PIGQ: variants seen among roughly 807,000 people sequenced by gnomAD.
The protein encoded by PIGQ is phosphatidylinositol glycan anchor biosynthesis class Q, also known as phosphatidylinositol N-acetylglucosaminyltransferase subunit Q.
In PIGQ, 54 loss-of-function variants were observed where a neutral mutation model predicts 60.3. The observed-to-expected ratio is 0.90, with a 90% CI of 0.72 to 1.12. PIGQ has a LOEUF of 1.12. Ranked by LOEUF, PIGQ falls within the 50% of genes most tolerant of loss-of-function variation. PIGQ has a pLI of 0.00. For synonymous variants in PIGQ, 416 were observed against 363.7 expected (o/e 1.14, Z -1.64); for missense variants, 799 against 793.5 (o/e 1.01, Z -0.08).
rs1032035796 is a variant in PIGQ, at chr16:581,037, G to A, written c.1531+65G>A. 3.7e-6 allele frequency: 5 copies of A among 1,343,346 alleles called. No homozygotes were observed. The African/African-American group carries it at 5.7e-5, about 15-fold the overall frequency. 83.2% of individuals were successfully genotyped at this position (1,343,346 alleles called of 1,614,324 possible). A position where few individuals can be genotyped will look rare whatever the true frequency, so the allele number is the denominator to read the frequency against. On this transcript the variant is annotated intron_variant, in intron 9 of 10. Transcript: ENST00000321878. ...GAGGGGAACCACACCTGTGGGCCCT[G>A]CAGAAGCAAGGACAGCATGGGCCAC... is the stretch of plus-strand genomic sequence containing the variant.
rs975321677 is a variant in PIGQ, at chr16:581,194, C to T, written c.1531+222C>T. On this transcript the variant is annotated intron_variant, in intron 9 of 10. Coordinates refer to ENST00000321878, the MANE Select transcript of PIGQ (RefSeq NM_004204.5). Reference sequence around the variant, plus strand: ...GAGAGACTCAGAGACTCACCTGCCGCGCAGGTTCAGAACCCTGGAGACCTG... The same window carrying T: ...GAGAGACTCAGAGACTCACCTGCCGTGCAGGTTCAGAACCCTGGAGACCTG... 63 of 1,430,630 alleles carry T rather than the reference C, an allele frequency of 4.4e-5. 1 individual carries two copies. In the African/African-American group the frequency reaches 4.6e-4, roughly 10 times the overall value. The allele number at this position is 1,430,630 out of a possible 1,614,324, so 88.6% of individuals were successfully genotyped here.
At chr16:581,140 G>A in intron 9 of PIGQ, 168 bp downstream of exon 9, 1 of 1,464,134 alleles carries the variant, frequency 6.8e-7, no homozygotes, top group South Asian at 1.4e-5. Context: ...CCAGAGGTCT[G>A]CAGGACCAGC....
chr16:578,285 G>A, intron 4 of PIGQ, 94 bp from the exon 5 acceptor site: 1 of 1,354,930 alleles, frequency 7.4e-7, no homozygotes, highest in Non-Finnish European at 1.0e-6. Context: ...AGGGAAGGCT[G>A]GCCAAGGTGG....
intron 10 of PIGQ, 149 bp downstream of exon 10, chr16:582,458 CGGGACCCCCTCCCCCTTACCCCCA>C: frequency 1.6e-6 from 1 of 618,392 alleles, no homozygotes; most frequent in Non-Finnish European, 2.8e-6. Flanking sequence ...AAGGCCCACG[CGGGACCCCCTCCCCCTTACCCCCA>C]GGGCCTGAGG....
At position 580,879 on chromosome 16, in the gene PIGQ, G is replaced by A. The variant is rs148537594; in HGVS notation, c.1438G>A (p.Val480Met). The change falls in exon 9 of 11, where the codon GTG becomes ATG. Residue 480 changes from valine to methionine, a missense_variant. By Grantham distance (21) the Val-to-Met change is conservative. Coordinates refer to ENST00000321878, the MANE Select transcript of PIGQ (RefSeq NM_004204.5). ...FTLLRLLVVA[V>M]QGLIHLLVDL... ...ACAGCTCCGGCTCCTGGTGGTCGCC[G>A]TGCAGGGCCTGATCCATCTGCTCGT... is the stretch of plus-strand genomic sequence containing the variant. The A allele has an allele frequency of 5.5e-5, 86 of 1,570,414 alleles. No homozygotes were observed. Among genetic ancestry groups the A allele is most frequent in the Non-Finnish European group, 5.7e-5 (65 of 1,146,136 alleles).
At chr16:576,302 C>T (rs753089646) in intron 4 of PIGQ, 48 bp downstream of exon 4, 1 of 1,527,594 alleles carries the variant, frequency 6.5e-7, no homozygotes. Flanking sequence ...GCGTGGGGAC[C>T]CCTCCTGGGC....
chr16:581,023 C>A, intron 9 of PIGQ, 51 bp downstream of exon 9: 1 of 1,367,168 alleles, frequency 7.3e-7, no homozygotes, highest in Non-Finnish European at 1.0e-6. Flanking sequence ...AGGGGAACCA[C>A]ACCTGTGGGC....
At chr16:582,177 C>T (rs907277680) in intron 9 of PIGQ, 71 bp from the exon 10 acceptor site, 7 of 1,121,782 alleles carry the variant, frequency 6.2e-6, no homozygotes, top group Admixed American at 2.0e-5. Flanking sequence ...GAGGAAGGTA[C>T]CTGCAGCCTC....
At chr16:582,181 C>A in intron 9 of PIGQ, 67 bp from the exon 10 acceptor site, 1 of 1,170,834 alleles carries the variant, frequency 8.5e-7, no homozygotes, top group Non-Finnish European at 1.2e-6. Flanking sequence ...AAGGTACCTG[C>A]AGCCTCTGCT....
intron 9 of PIGQ, 133 bp downstream of exon 9, chr16:581,105 G>A: frequency 1.4e-6 from 2 of 1,395,618 alleles, no homozygotes; most frequent in Non-Finnish European, 9.9e-7. Context: ...GCGCAAGCGG[G>A]CAGGGAGGAC....
chr16:582,180 G>A (rs4984897), intron 9 of PIGQ, 68 bp from the exon 10 acceptor site: 1 of 1,158,160 alleles, frequency 8.6e-7, no homozygotes, highest in Non-Finnish European at 1.3e-6. Flanking sequence ...GAAGGTACCT[G>A]CAGCCTCTGC....
intron 1 of PIGQ, 71 bp from the exon 2 acceptor site, chr16:573,995 T>G: frequency 8.9e-7 from 1 of 1,127,348 alleles, no homozygotes; most frequent in Non-Finnish European, 1.2e-6. Context: ...AGGCCGTCTG[T>G]GCAACATCCC....
chr16:581,371 C>G, intron 9 of PIGQ: 1 of 1,182,560 alleles, frequency 8.5e-7, no homozygotes, highest in Non-Finnish European at 1.1e-6. Flanking sequence ...TGCCGGAAAA[C>G]CCCGTCCACT....
At chr16:575,991 C>T (rs1165921297) in intron 3 of PIGQ, 21 bp downstream of exon 3, 1 of 1,572,566 alleles carries the variant, frequency 6.4e-7, no homozygotes, top group Non-Finnish European at 8.6e-7. Flanking sequence ...GCCCTGGTCT[C>T]TGCAGGGCTG....
In PIGQ at chr16:576,272, G is replaced by A. The variant is rs1433147334; in HGVS notation, c.942+18G>A. ...TGGCTGACGTGAGTGGACTGGGGTG[G>A]AGCCCGGTGTCCCGGGTGGGCGTGG... is the stretch of plus-strand genomic sequence containing the variant. On this transcript the variant is annotated intron_variant, in intron 4 of 10. Coordinates refer to ENST00000321878, the MANE Select transcript of PIGQ (RefSeq NM_004204.5). 6.4e-7 allele frequency: 1 copy of A among 1,552,446 alleles called. No homozygotes were observed.
chr16:580,160 G>T (rs754154314), intron 7 of PIGQ, 23 bp from the exon 8 acceptor site: 1 of 1,594,818 alleles, frequency 6.3e-7, no homozygotes, highest in Non-Finnish European at 8.6e-7. Flanking sequence ...GCTGATGCCC[G>T]GTGTGCTGGC....
chr16:579,021 CGGGGCGGGGCGGGGCG>C, intron 6 of PIGQ, 32 bp from the exon 7 acceptor site: 1 of 218,396 alleles, frequency 4.6e-6, no homozygotes, highest in South Asian at 4.3e-5. Context: ...GGGGCGGGGG[CGGGGCGGGGCGGGGCG>C]GGGCCGGGCC....
intron 4 of PIGQ, chr16:576,623 A>C: frequency 2.2e-6 from 1 of 462,462 alleles, no homozygotes; most frequent in South Asian, 5.5e-5. Flanking sequence ...GGGTCATGAA[A>C]CCTTTCCTGT....
chr16:572,450 T>G, intron 1 of PIGQ: 1 of 451,184 alleles, frequency 2.2e-6, no homozygotes, highest in African/African-American at 2.0e-5. Flanking sequence ...CAGGGGCCTC[T>G]TAAGCCCCAG....
Sources: allele counts gnomAD v4.1 joint callset, GRCh38; gene constraint gnomAD v4.1.1; transcripts MANE v1.5; gene names NCBI Gene and HGNC (gene_info 2026-07-23, HGNC 2026-07-21).